The following BABAM1 variants were observed in gnomAD, a reference collection of about 807,000 sequenced individuals.
BABAM1 encodes the protein BRISC and BRCA1 A complex member 1.
In BABAM1, 14 loss-of-function variants were observed where a neutral mutation model predicts 34.4. That is an observed-to-expected ratio of 0.41 (90% CI 0.27 to 0.64). BABAM1 has a LOEUF of 0.64. BABAM1 is among the 30% of genes least tolerant of loss of function. BABAM1 has a pLI of 0.34. For synonymous variants in BABAM1, 169 were observed against 165.8 expected (o/e 1.02, Z -0.15); for missense variants, 393 against 434.0 (o/e 0.91, Z 0.84).
At chr19:17,278,803 T>C (rs1432573063) in intron 8 of BABAM1, 42 bp from the exon 9 acceptor site, 2 of 1,564,974 alleles carry the variant, frequency 1.3e-6, no homozygotes, top group Non-Finnish European at 1.7e-6. Flanking sequence ...TGGGGTAACC[T>C]CTGCCTGAAC....
At chr19:17,278,045 A>G (rs2073931378) in intron 8 of BABAM1, among the ~76,000 whole-genome samples, 1 of 151,604 alleles carries the variant, frequency 6.6e-6, no homozygotes, top group Non-Finnish European at 1.5e-5. Flanking sequence ...GTGGTGGCAC[A>G]TACCTATAAT....
chr19:17,277,942 C>T (rs965006610), intron 8 of BABAM1, among the ~76,000 whole-genome samples: 5 of 151,616 alleles, frequency 3.3e-5, no homozygotes, highest in African/African-American at 7.3e-5. Context: ...TTTGGGAAGC[C>T]GAGGCGGGTG....
intron 5 of BABAM1, 155 bp downstream of exon 5, chr19:17,274,340 C>T (rs553981523): frequency 4.7e-5 from 44 of 933,178 alleles, no homozygotes; most frequent in Non-Finnish European, 6.9e-5. Flanking sequence ...CCTCAGTTTC[C>T]CCATCTGTAC....
chr19:17,279,035 A>G lies in BABAM1; in HGVS notation c.977A>G (p.Glu326Gly). ...LEEEDEAIEV[E>G]ATV is the part of the protein sequence containing the mutation. ...GAGGAGGATGAAGCCATTGAGGTTG[A>G]GGCCACTGTCTGAACCATCCCTGTA... The change falls in exon 9 of 9, where the codon GAG (glutamate) becomes GGG (glycine). Residue 326 changes from glutamate (E) to glycine (G), a missense_variant. Coordinates refer to ENST00000598188, the MANE Select transcript of BABAM1 (RefSeq NM_014173.4). 6.2e-7 allele frequency: 1 copy of G among 1,611,320 alleles called. No individual in the cohort carries two copies. Among genetic ancestry groups the G allele is most frequent in the Non-Finnish European group, 8.5e-7 (1 of 1,178,914 alleles).
intron 8 of BABAM1, chr19:17,277,166 TCTTTCTTG>T (rs751606922): frequency 9.6e-5 from 39 of 405,620 alleles, no homozygotes; most frequent in Non-Finnish European, 1.6e-4. Flanking sequence ...TGCGTTCCTT[TCTTTCTTG>T]CTTGCTTGCT....
In BABAM1 at chr19:17,276,775, C is replaced by T. The variant is rs369680509; in HGVS notation, c.700-48C>T. The T allele has an allele frequency of 2.0e-4, 310 of 1,567,186 alleles. 1 individual carries two copies. In the East Asian group the frequency reaches 2.0e-3, roughly 10 times the overall value. On this transcript the variant is annotated intron_variant, in intron 7 of 8. Coordinates refer to ENST00000598188, the MANE Select transcript of BABAM1 (RefSeq NM_014173.4). ...ATGGGGGAGCTATAGTCATGGGGCA[C>T]GGGGTGACCCAAGCCCCAGAGGCTG...
chr19:17,268,896 T>A lies in BABAM1; in HGVS notation c.90T>A (p.Asn30Lys). ...SAEPRPRTRS[N>K]PEGAEDRAVG... is the part of the protein sequence containing the mutation. ...AGCCTCGGCCCCGCACTCGCTCCAA[T>A]CCTGAAGGGGCTGAGGACCGGGCAG... Residue 30 changes from asparagine (N) to lysine (K), a missense_variant, in exon 2 of 9, where the codon AAT becomes AAA. Physicochemically the swap from Asn to Lys is moderately conservative, Grantham distance 94. Transcript: ENST00000598188. 5 of 1,590,850 alleles carry A rather than the reference T, an allele frequency of 3.1e-6. No individual in the cohort carries two copies. The highest frequency in any genetic ancestry group is 4.3e-6 in the Non-Finnish European group (5 of 1,169,662).
chr19:17,270,075 C>T (rs567244700), intron 2 of BABAM1, among the ~76,000 whole-genome samples: 5 of 152,186 alleles, frequency 3.3e-5, no homozygotes, highest in African/African-American at 9.6e-5. Flanking sequence ...GGACTACAGG[C>T]GCCCGCTACT....
chr19:17,270,076 G>A (rs1333905092), intron 2 of BABAM1, among the ~76,000 whole-genome samples: 4 of 151,886 alleles, frequency 2.6e-5, no homozygotes, highest in African/African-American at 4.8e-5. Context: ...GACTACAGGC[G>A]CCCGCTACTA....
intron 2 of BABAM1, among the ~76,000 whole-genome samples, chr19:17,270,000 G>C (rs1337423694): frequency 6.7e-6 from 1 of 148,934 alleles, no homozygotes; most frequent in African/African-American, 2.5e-5. Context: ...GCGCTATCTC[G>C]GCTCACTGCA....
chr19:17,270,866 T>G (rs529824489), intron 2 of BABAM1, among the ~76,000 whole-genome samples: 1 of 151,802 alleles, frequency 6.6e-6, no homozygotes, highest in South Asian at 2.1e-4. Context: ...TTTTTTGTAT[T>G]TTTTTAGTAG....
intron 3 of BABAM1, 76 bp downstream of exon 3, chr19:17,271,731 C>A: frequency 1.3e-6 from 2 of 1,494,074 alleles, no homozygotes; most frequent in South Asian, 1.2e-5. Flanking sequence ...GGGGCTCTCA[C>A]TCTGAAACTC....
At chr19:17,275,319 T>C (rs1217366546) in intron 5 of BABAM1, among the ~76,000 whole-genome samples, 1 of 151,648 alleles carries the variant, frequency 6.6e-6, no homozygotes, top group Non-Finnish European at 1.5e-5. Context: ...AGATGGAGTC[T>C]CGCTCTTGTT....
intron 7 of BABAM1, 77 bp downstream of exon 7, chr19:17,276,701 C>A: frequency 6.4e-7 from 1 of 1,560,120 alleles, no homozygotes; most frequent in Non-Finnish European, 8.7e-7. Context: ...GACTTCCAAC[C>A]ACAGAGGCTG....
intron 5 of BABAM1, 79 bp from the exon 6 acceptor site, chr19:17,275,722 T>A: frequency 6.3e-7 from 1 of 1,588,430 alleles, no homozygotes; most frequent in South Asian, 1.1e-5. Context: ...CCGGGTCTCC[T>A]CTGGTATCGG....
At position 17,273,953 on chromosome 19, in the gene BABAM1, G is replaced by A. The variant is rs544132311; in HGVS notation, c.394G>A (p.Val132Met). The A allele has an allele frequency of 8.1e-6, 13 of 1,613,838 alleles. No individual in the cohort carries two copies. The highest frequency in any genetic ancestry group is 8.0e-5 in the African/African-American group (6 of 75,002). The change falls in exon 4 of 9, where the codon GTG becomes ATG. Residue 132 changes from valine (V) to methionine (M), a missense_variant. Val to Met is a conservative substitution (Grantham distance 21). Transcript: ENST00000598188. ...CTCCCAGAAGATGATTGAGATGTTC[G>A]TGCGGACAAAACACAAGATCGACAA... ...NVSQKMIEMF[V>M]RTKHKIDKSH...
At chr19:17,278,812 A>G (rs765857418) in intron 8 of BABAM1, 33 bp from the exon 9 acceptor site, 5 of 1,584,116 alleles carry the variant, frequency 3.2e-6, no homozygotes, top group Non-Finnish European at 3.4e-6. Context: ...CTCTGCCTGA[A>G]CAGCCCTTCA....
In BABAM1 at chr19:17,279,156, G is replaced by T; in HGVS notation, c.*108G>T. 1.7e-6 allele frequency: 2 copies of T among 1,199,330 alleles called. No homozygotes were observed. Among genetic ancestry groups the T allele is most frequent in the Non-Finnish European group, 2.3e-6 (2 of 857,102 alleles). The allele number at this position is 1,199,330 out of a possible 1,614,324, so 74.3% of individuals were successfully genotyped here. On this transcript the variant is annotated 3_prime_UTR_variant, in exon 9 of 9. Coordinates refer to ENST00000598188, the MANE Select transcript of BABAM1 (RefSeq NM_014173.4). ...CTCCGGGGTGGGGGGGTTCCAGGAG[G>T]CACGTAGGGTACCTTGCAGGGTCCT...
At chr19:17,271,846 G>A (rs112763671) in intron 3 of BABAM1, among the ~76,000 whole-genome samples, 191 bp downstream of exon 3, 2 of 152,318 alleles carry the variant, frequency 1.3e-5, no homozygotes, top group African/African-American at 4.8e-5. Flanking sequence ...GCTGAGATAG[G>A]AGGATCACTT....
Sources: allele counts gnomAD v4.1 joint callset (sites outside exome capture counted in the v4.1 genomes callset), GRCh38; gene constraint gnomAD v4.1.1; transcripts MANE v1.5; gene names NCBI Gene and HGNC (gene_info 2026-07-23, HGNC 2026-07-21).